The following TNR variants were observed in gnomAD, a reference collection of about 807,000 sequenced individuals.
TNR encodes the protein tenascin-R.
Under a neutral mutation model 150.4 loss-of-function variants are expected in TNR, and 45 were observed. The ratio of observed to expected loss-of-function variants is 0.30; its 90% CI spans 0.24 to 0.38. The LOEUF is 0.38. Among genes scored for constraint, TNR ranks in the 10% least tolerant of loss-of-function variants. TNR has a pLI of 1.00. For missense variants in TNR, 1,544 were observed against 1,759.1 expected (o/e 0.88, Z 2.19); for synonymous variants, 687 against 678.4 (o/e 1.01, Z -0.20).
At chr1:175,605,274 T>C (rs1663371828) in intron 1 of TNR, among the ~76,000 whole-genome samples, 1 of 152,244 alleles carries the variant, frequency 6.6e-6, no homozygotes, top group African/African-American at 2.4e-5. Context: ...TTTCCAAAAA[T>C]TTCAATTTTC....
intron 2 of TNR, among the ~76,000 whole-genome samples, chr1:175,454,261 G>A (rs1416606107): frequency 1.3e-5 from 2 of 152,142 alleles, no homozygotes; most frequent in Middle Eastern, 3.2e-3. Flanking sequence ...CAGATTACAG[G>A]CAGAGGCCAG....
chr1:175,376,502 T>C (rs574104299), intron 9 of TNR, among the ~76,000 whole-genome samples: 3 of 152,330 alleles, frequency 2.0e-5, no homozygotes, highest in East Asian at 3.9e-4. Flanking sequence ...TCTTAGCATG[T>C]TGCATGGAGC....
At chr1:175,411,169 C>A (rs1654192836) in intron 2 of TNR, among the ~76,000 whole-genome samples, 1 of 152,134 alleles carries the variant, frequency 6.6e-6, no homozygotes, top group African/African-American at 2.4e-5. Flanking sequence ...AAAATACAGA[C>A]TAGCATTGCT....
intron 1 of TNR, among the ~76,000 whole-genome samples, chr1:175,665,462 A>G (rs1665509112): frequency 6.6e-6 from 1 of 152,110 alleles, no homozygotes; most frequent in Admixed American, 6.6e-5. Context: ...CTTTTCTCAT[A>G]TTGTCCACTC....
chr1:175,544,282 T>C (rs967586171), intron 1 of TNR, among the ~76,000 whole-genome samples: 8 of 152,102 alleles, frequency 5.3e-5, no homozygotes, highest in African/African-American at 1.9e-4. Context: ...ATGGCTAAAA[T>C]TCAAGCAAAG....
intron 12 of TNR, 123 bp from the exon 13 acceptor site, chr1:175,363,950 T>A: frequency 8.3e-7 from 1 of 1,201,776 alleles, no homozygotes; most frequent in Non-Finnish European, 1.1e-6. Flanking sequence ...GATCTTTCCA[T>A]GTAATAGGGT....
In TNR at chr1:175,561,084, T is replaced by G. The variant is rs911037645; in HGVS notation, c.-164-32715A>C. On this transcript the variant is annotated intron_variant, in intron 1 of 22. Coordinates refer to ENST00000367674, the MANE Select transcript of TNR (RefSeq NM_003285.3). ...CAGAACATAGCTACTGAAAGCTGTT[T>G]TTGTTGTCTCTGGCATTTTTCTAGT... Among the ~76,000 whole-genome samples, 11 of 152,316 alleles carry G rather than the reference T, an allele frequency of 7.2e-5. No homozygotes were observed. In the East Asian group the frequency reaches 2.1e-3, roughly 29 times the overall value.
At chr1:175,680,525 C>G (rs901128289) in intron 1 of TNR, among the ~76,000 whole-genome samples, 1 of 152,040 alleles carries the variant, frequency 6.6e-6, no homozygotes, top group East Asian at 1.9e-4. Context: ...ACAGCTGAAC[C>G]CTGTGTGCCA....
At chr1:175,433,973 A>G (rs1655383715) in intron 2 of TNR, among the ~76,000 whole-genome samples, 2 of 152,130 alleles carry the variant, frequency 1.3e-5, no homozygotes, top group Admixed American at 6.5e-5. Context: ...TCTGGTCCTC[A>G]ATGCATTATT....
At chr1:175,394,942 G>T (rs534879138) in intron 5 of TNR, among the ~76,000 whole-genome samples, 1 of 152,158 alleles carries the variant, frequency 6.6e-6, no homozygotes, top group Non-Finnish European at 1.5e-5. Context: ...GTTAGGCCAG[G>T]CACTTAGGGT....
At chr1:175,723,869 T>C (rs913435907) in intron 1 of TNR, among the ~76,000 whole-genome samples, 1 of 152,140 alleles carries the variant, frequency 6.6e-6, no homozygotes, top group Non-Finnish European at 1.5e-5. Context: ...AGATTCTGTC[T>C]CAATAAATAA....
intron 1 of TNR, among the ~76,000 whole-genome samples, chr1:175,645,412 T>C (rs1353282108): frequency 6.6e-6 from 1 of 152,208 alleles, no homozygotes; most frequent in Admixed American, 6.5e-5. Context: ...TTCTGAGGTC[T>C]AGGATCTTTG....
intron 1 of TNR, among the ~76,000 whole-genome samples, chr1:175,582,548 G>A (rs1662393219): frequency 1.3e-5 from 2 of 152,158 alleles, no homozygotes; most frequent in Non-Finnish European, 2.9e-5. Context: ...TATTGGCCAT[G>A]CTCCATGTTC....
At chr1:175,503,940 T>C (rs529133401) in intron 2 of TNR, among the ~76,000 whole-genome samples, 56 of 152,184 alleles carry the variant, frequency 3.7e-4, no homozygotes, top group African/African-American at 1.2e-3. Context: ...GGGTGGGATG[T>C]TGGGTTTACA....
At chr1:175,592,875 TCTC>T in intron 1 of TNR, among the ~76,000 whole-genome samples, 1 of 152,162 alleles carries the variant, frequency 6.6e-6, no homozygotes, top group South Asian at 2.1e-4. Flanking sequence ...CATCCTTCCT[TCTC>T]CTCATTAATG....
At position 175,323,039 on chromosome 1, in the gene TNR, C is replaced by T. The variant is rs1352401546; in HGVS notation, c.*318G>A. 1 of 211,366 alleles carries T rather than the reference C, an allele frequency of 4.7e-6. No individual in the cohort carries two copies. Among genetic ancestry groups the T allele is most frequent in the Non-Finnish European group, 9.4e-6 (1 of 106,306 alleles). The allele number at this position is 211,366 out of a possible 1,614,324, so 13.1% of individuals were successfully genotyped here. A position where few individuals can be genotyped will look rare whatever the true frequency, so the allele number is the denominator to read the frequency against. On this transcript the variant is annotated 3_prime_UTR_variant, in exon 23 of 23. Coordinates refer to ENST00000367674, the MANE Select transcript of TNR (RefSeq NM_003285.3). Reference sequence around the variant, plus strand: ...AGGGTAGAAAAATGTGTGTGCCTGTCACCATAACAATCTGCACCCCACGAC... The same window carrying T: ...AGGGTAGAAAAATGTGTGTGCCTGTTACCATAACAATCTGCACCCCACGAC...
At chr1:175,405,676 G>A (rs1056462485) in intron 3 of TNR, among the ~76,000 whole-genome samples, 1 of 151,774 alleles carries the variant, frequency 6.6e-6, no homozygotes, top group African/African-American at 2.4e-5. Context: ...CTTTTTGAGG[G>A]GGCAGGGGCT....
chr1:175,551,486 G>T (rs964887377), intron 1 of TNR, among the ~76,000 whole-genome samples: 4 of 152,220 alleles, frequency 2.6e-5, no homozygotes, highest in African/African-American at 9.6e-5. Flanking sequence ...CAAAGGAAAA[G>T]GGTTACTGGG....
intron 1 of TNR, among the ~76,000 whole-genome samples, chr1:175,566,672 T>G (rs1661657157): frequency 2.6e-5 from 4 of 152,184 alleles, no homozygotes; most frequent in Admixed American, 2.6e-4. Flanking sequence ...AGTGTTTGAG[T>G]GACACGAAGT....
Sources: gnomAD v4.1 joint callset for allele counts (sites outside exome capture counted in the v4.1 genomes callset) on GRCh38, gnomAD v4.1.1 for gene constraint, MANE v1.5 for transcripts, NCBI Gene and HGNC (gene_info 2026-07-23, HGNC 2026-07-21) for gene names.